BBS9: variants seen among roughly 807,000 people sequenced by gnomAD.
BBS9 encodes Bardet-Biedl syndrome 9.
A neutral mutation model predicts 117.7 loss-of-function variants in BBS9; 89 were observed. The ratio of observed to expected loss-of-function variants is 0.76; its 90% CI spans 0.64 to 0.90. The LOEUF is 0.90. Among genes scored for constraint, BBS9 ranks in the 40% least tolerant of loss-of-function variants. The probability of loss-of-function intolerance (pLI) is 0.00; values close to 1 mark genes in which losing one functional copy is unlikely to be tolerated. For synonymous variants in BBS9, 379 were observed against 370.9 expected (o/e 1.02, Z -0.25); for missense variants, 982 against 1,042.2 (o/e 0.94, Z 0.80).
intron 5 of BBS9, among the ~76,000 whole-genome samples, chr7:33,213,697 T>C (rs1788489407): frequency 1.3e-5 from 2 of 152,070 alleles, no homozygotes; most frequent in South Asian, 2.1e-4. Context: ...CAGCATGTAA[T>C]GAATCCTGCT....
chr7:33,597,161 G>C (rs1461150824), intron 21 of BBS9, among the ~76,000 whole-genome samples: 1 of 150,252 alleles, frequency 6.7e-6, no homozygotes, highest in Non-Finnish European at 1.5e-5. Context: ...TGAGTCTGAG[G>C]GAAGCTTCAT....
chr7:33,135,477 T>A (rs1414642758), intron 1 of BBS9, among the ~76,000 whole-genome samples: 1 of 152,216 alleles, frequency 6.6e-6, no homozygotes, highest in Non-Finnish European at 1.5e-5. Flanking sequence ...TTGTTGAAAA[T>A]CAGTTGATCA....
At chr7:33,508,307 G>A (rs1846429175) in intron 20 of BBS9, among the ~76,000 whole-genome samples, 1 of 152,206 alleles carries the variant, frequency 6.6e-6, no homozygotes, top group South Asian at 2.1e-4. Flanking sequence ...TAATACAGGG[G>A]AAGTAACAGG....
chr7:33,416,357 A>G (rs1227866900), intron 19 of BBS9, among the ~76,000 whole-genome samples: 2 of 151,314 alleles, frequency 1.3e-5, no homozygotes, highest in Non-Finnish European at 2.9e-5. Context: ...GCTATCTTGT[A>G]TCATCAAGTT....
intron 16 of BBS9, among the ~76,000 whole-genome samples, chr7:33,364,880 C>T (rs1238496276): frequency 6.6e-6 from 1 of 150,952 alleles, no homozygotes; most frequent in Non-Finnish European, 1.5e-5. Context: ...AGGTGCATGC[C>T]ATCACACCTG....
chr7:33,592,192 C>G (rs1862037167), intron 21 of BBS9, among the ~76,000 whole-genome samples: 1 of 151,948 alleles, frequency 6.6e-6, no homozygotes. Context: ...CTTGTAATGA[C>G]TAATATATAT....
At chr7:33,359,801 TTC>T (rs1447472647) in intron 16 of BBS9, among the ~76,000 whole-genome samples, 1 of 152,058 alleles carries the variant, frequency 6.6e-6, no homozygotes, top group African/African-American at 2.4e-5. Flanking sequence ...TTTATTCCAG[TTC>T]TCTTTCTGTG....
chr7:33,601,989 G>T (rs1436515204), intron 21 of BBS9, among the ~76,000 whole-genome samples: 1 of 152,180 alleles, frequency 6.6e-6, no homozygotes, highest in Non-Finnish European at 1.5e-5. Flanking sequence ...CCTACTTCTT[G>T]TTATACAACT....
chr7:33,178,805 A>T (rs1797706063), intron 5 of BBS9, among the ~76,000 whole-genome samples: 1 of 151,888 alleles, frequency 6.6e-6, no homozygotes, highest in African/African-American at 2.4e-5. Context: ...ATACATACAG[A>T]TAAAGACAAG....
At chr7:33,348,839 A>T (rs973450751) in intron 12 of BBS9, among the ~76,000 whole-genome samples, 1 of 152,168 alleles carries the variant, frequency 6.6e-6, no homozygotes, top group African/African-American at 2.4e-5. Flanking sequence ...TTGCATGTAC[A>T]TATTGCCAAT....
chr7:33,347,032 A>G (rs949237304), intron 12 of BBS9, among the ~76,000 whole-genome samples: 7 of 152,168 alleles, frequency 4.6e-5, no homozygotes, highest in African/African-American at 1.7e-4. Context: ...GGTTAAAGGC[A>G]TGGGCTCAGG....
intron 19 of BBS9, among the ~76,000 whole-genome samples, chr7:33,423,128 G>A (rs1833110607): frequency 6.6e-6 from 1 of 152,126 alleles, no homozygotes; most frequent in African/African-American, 2.4e-5. Flanking sequence ...ATTGGAAGCT[G>A]TAGCCATGTT....
intron 21 of BBS9, among the ~76,000 whole-genome samples, chr7:33,593,562 T>C (rs1862271912): frequency 6.6e-6 from 1 of 152,144 alleles, no homozygotes; most frequent in Non-Finnish European, 1.5e-5. Context: ...TGAACAGAGC[T>C]CTGAGTTCCT....
intron 16 of BBS9, among the ~76,000 whole-genome samples, chr7:33,359,374 A>G (rs1820209487): frequency 6.6e-6 from 1 of 152,160 alleles, no homozygotes; most frequent in Admixed American, 6.6e-5. Flanking sequence ...GGTAAAGTCC[A>G]TAAGATACGA....
intron 5 of BBS9, among the ~76,000 whole-genome samples, chr7:33,218,161 C>G (rs1253420338): frequency 2.6e-5 from 4 of 152,062 alleles, no homozygotes; most frequent in African/African-American, 7.2e-5. Context: ...TTTCCTTTTA[C>G]AAGTGTTTAA....
At chr7:33,436,344 T>G (rs1243248103) in intron 19 of BBS9, among the ~76,000 whole-genome samples, 1 of 152,200 alleles carries the variant, frequency 6.6e-6, no homozygotes, top group African/African-American at 2.4e-5. Flanking sequence ...AAGATGCTCA[T>G]CGGTTAAAAT....
At chr7:33,401,107 A>G (rs958123850) in intron 19 of BBS9, among the ~76,000 whole-genome samples, 2 of 152,206 alleles carry the variant, frequency 1.3e-5, no homozygotes, top group African/African-American at 4.8e-5. Context: ...TTAGGCCCTC[A>G]GCCAAATATT....
At chr7:33,307,206 G>C (rs534645330) in intron 9 of BBS9, among the ~76,000 whole-genome samples, 2 of 152,166 alleles carry the variant, frequency 1.3e-5, no homozygotes, top group East Asian at 1.9e-4. Flanking sequence ...CCTACTTGTG[G>C]TCTGAGTTTA....
intron 20 of BBS9, among the ~76,000 whole-genome samples, chr7:33,527,297 C>G (rs1205476372): frequency 1.3e-5 from 2 of 152,196 alleles, no homozygotes; most frequent in Non-Finnish European, 1.5e-5. Context: ...TTCCTGGCTG[C>G]TTTGTTTACC....
Sources: allele counts gnomAD v4.1 joint callset (sites outside exome capture counted in the v4.1 genomes callset), GRCh38; gene constraint gnomAD v4.1.1; transcripts MANE v1.5; gene names NCBI Gene and HGNC (gene_info 2026-07-23, HGNC 2026-07-21).